Variants in HABP4 observed in about 807,000 individuals in gnomAD.
HABP4 encodes the protein hyaluronan binding protein 4, also known as intracellular hyaluronan-binding protein 4.
HABP4 carries 32 observed loss-of-function variants against 44.1 expected under a neutral mutation model. That is an observed-to-expected ratio of 0.73 (90% CI 0.55 to 0.97). HABP4 has a LOEUF of 0.97. Ranked by LOEUF, HABP4 falls within the 50% of genes least tolerant of loss-of-function variation. HABP4 has a pLI of 0.00. For missense variants in HABP4, 503 were observed against 561.9 expected, an observed-to-expected ratio of 0.90 and a Z score of 1.06; for synonymous variants, 216 against 218.0, an observed-to-expected ratio of 0.99 and a Z score of 0.08.
rs1832630218 is a variant in HABP4, at chr9:96,467,939, G to A, written c.743+2161G>A. On this transcript the variant is annotated intron_variant, in intron 4 of 7. Coordinates refer to ENST00000375249, the MANE Select transcript of HABP4 (RefSeq NM_014282.4). ...TGGCTCTAAGTGGTTACTTATCCTA[G>A]AGGGCCAGCCTTGGCCTTGTAATGT... Among the ~76,000 whole-genome samples the A allele has an allele frequency of 2.0e-5, 3 of 152,194 alleles. 1 individual carries two copies. The South Asian group carries it at 6.2e-4, about 31-fold the overall frequency.
At chr9:96,479,305 T>G (rs10820682) in intron 5 of HABP4, among the ~76,000 whole-genome samples, 35,261 of 151,960 alleles carry the variant, frequency 0.23, 5,094 homozygotes, top group African/African-American at 0.41. Context: ...TGAAAAGTTA[T>G]GTCGAGGAGG....
intron 5 of HABP4, chr9:96,484,209 A>G (rs890046850): frequency 1.3e-4 from 45 of 335,114 alleles, no homozygotes; most frequent in African/African-American, 8.5e-4. Flanking sequence ...TAATGTCATC[A>G]GGATGGTGAT....
intron 2 of HABP4, among the ~76,000 whole-genome samples, chr9:96,463,784 T>C (rs942071373): frequency 2.0e-5 from 3 of 152,222 alleles, no homozygotes; most frequent in Admixed American, 2.0e-4. Flanking sequence ...TTACCCACTA[T>C]TGTATAGCGG....
In HABP4 at chr9:96,450,355, A is replaced by C; in HGVS notation, c.76A>C (p.Asn26His). ...MQESFGCVVA[N>H]RFHQLLDDES... ...GGAGAGTTTCGGCTGCGTGGTGGCC[A>C]ACCGCTTCCATCAGCTGCTGGACGA... Residue 26 changes from asparagine to histidine, a missense_variant, in exon 1 of 8, where the codon AAC (asparagine) becomes CAC (histidine). Physicochemically the swap from Asn to His is moderately conservative, Grantham distance 68 (BLOSUM62 1). This residue lies in a region of HABP4 where 290 missense variants were observed against 300.5 expected (regional missense o/e 0.97). Transcript: ENST00000375249. This position sits in a 1 kb window ranked among gnomAD's most constrained non-coding sequence, Gnocchi z 4.8. 7.5e-7 allele frequency: 1 copy of C among 1,336,832 alleles called. No homozygotes were observed. Among genetic ancestry groups the C allele is most frequent in the Non-Finnish European group, 9.8e-7 (1 of 1,020,086 alleles). The allele number at this position is 1,336,832 out of a possible 1,614,324, so 82.8% of individuals were successfully genotyped here.
intron 5 of HABP4, among the ~76,000 whole-genome samples, chr9:96,481,189 A>G (rs1564168092): frequency 6.6e-6 from 1 of 152,040 alleles, no homozygotes; most frequent in Non-Finnish European, 1.5e-5. Flanking sequence ...GGTTCAAGCA[A>G]TTCTCCTGCT....
chr9:96,471,723 C>G (rs1230985442), intron 5 of HABP4, among the ~76,000 whole-genome samples: 1 of 151,962 alleles, frequency 6.6e-6, no homozygotes, highest in South Asian at 2.1e-4. Context: ...TCCCAGTCCT[C>G]CCTCCCTCTC....
Position 96,450,396 on chromosome 9 carries a change from C to A in HABP4, c.117C>A (p.Phe39Leu), listed in dbSNP as rs556833255. 2 of 1,411,678 alleles carry A rather than the reference C, an allele frequency of 1.4e-6. No individual in the cohort carries two copies. The highest frequency in any genetic ancestry group is 1.9e-6 in the Non-Finnish European group (2 of 1,068,684). The allele number at this position is 1,411,678 out of a possible 1,614,324, so 87.4% of individuals were successfully genotyped here. A position where few individuals can be genotyped will look rare whatever the true frequency, so the allele number is the denominator to read the frequency against. Residue 39 changes from phenylalanine to leucine, a missense_variant, in exon 1 of 8, where the codon TTC (phenylalanine) becomes TTA (leucine). By Grantham distance (22) the Phe-to-Leu change is conservative. This residue lies in a region of HABP4 where 290 missense variants were observed against 300.5 expected (regional missense o/e 0.97). Coordinates refer to ENST00000375249, the MANE Select transcript of HABP4 (RefSeq NM_014282.4). This position sits in a 1 kb window ranked among gnomAD's most constrained non-coding sequence, Gnocchi z 4.8. Reference sequence around the variant, plus strand: ...TGCTGGACGACGAGTCGGACCCGTTCGACATCCTGCGCGAGGCCGAGCGCC... The same window carrying A: ...TGCTGGACGACGAGTCGGACCCGTTAGACATCCTGCGCGAGGCCGAGCGCC... ...HQLLDDESDP[F>L]DILREAERRR...
In HABP4 at chr9:96,490,078, A is replaced by G. The variant is rs1481908617; in HGVS notation, c.*40A>G. On this transcript the variant is annotated 3_prime_UTR_variant, in exon 8 of 8. Transcript: ENST00000375249. ...CCAGCACCGCGGAGCTGCACTGCAC[A>G]CCTGTGGGGAGACTTTTCCAGCTGG... The G allele has an allele frequency of 2.4e-6, 3 of 1,229,562 alleles. No homozygotes were observed. Among genetic ancestry groups the G allele is most frequent in the Non-Finnish European group, 3.6e-6 (3 of 828,660 alleles). 76.2% of individuals were successfully genotyped at this position (1,229,562 alleles called of 1,614,324 possible). A position where few individuals can be genotyped will look rare whatever the true frequency, so the allele number is the denominator to read the frequency against.
intron 4 of HABP4, among the ~76,000 whole-genome samples, chr9:96,466,693 A>C (rs1452033127): frequency 6.6e-6 from 1 of 152,150 alleles, no homozygotes; most frequent in Non-Finnish European, 1.5e-5. Context: ...CTGAGGCTTC[A>C]TGGTGCCTTA....
intron 4 of HABP4, 112 bp downstream of exon 4, chr9:96,465,890 C>T (rs1587678066): frequency 3.2e-6 from 2 of 625,206 alleles, no homozygotes; most frequent in East Asian, 2.8e-5. Flanking sequence ...TTGTGTGCCC[C>T]TAAGTAGAGA....
In HABP4 at chr9:96,465,370, G is replaced by C; in HGVS notation, c.546G>C (p.Leu182Phe). ...PGDRFDRDRP[L>F]RGRGGPRGGM... is the part of the protein sequence containing the mutation. Reference sequence around the variant, plus strand: ...ATAGGTTTGATCGAGACAGACCGTTGAGAGGACGTGGAGGCCCGAGAGGGG... The same window carrying C: ...ATAGGTTTGATCGAGACAGACCGTTCAGAGGACGTGGAGGCCCGAGAGGGG... The change falls in exon 3 of 8, where the codon TTG becomes TTC. Residue 182 changes from leucine to phenylalanine, a missense_variant. Leu to Phe is a conservative substitution (Grantham distance 22, BLOSUM62 0). This residue lies in a region of HABP4 where 290 missense variants were observed against 300.5 expected (regional missense o/e 0.97). Coordinates refer to ENST00000375249, the MANE Select transcript of HABP4 (RefSeq NM_014282.4). 2 of 1,611,118 alleles carry C rather than the reference G, an allele frequency of 1.2e-6. No homozygotes were observed. The highest frequency in any genetic ancestry group is 1.7e-6 in the Non-Finnish European group (2 of 1,177,280).
chr9:96,484,427 A>G, intron 5 of HABP4, 35 bp from the exon 6 acceptor site: 2 of 982,304 alleles, frequency 2.0e-6, no homozygotes, highest in African/African-American at 1.6e-5. Flanking sequence ...AGTACCATCA[A>G]AAAGTATTCT....
chr9:96,464,701 T>C (rs968766145), intron 2 of HABP4, among the ~76,000 whole-genome samples: 6 of 152,302 alleles, frequency 3.9e-5, no homozygotes, highest in Middle Eastern at 3.4e-3. Context: ...TCAAATGACA[T>C]GAAGACAAAA....
chr9:96,456,759 CAAAAAAAAAA>C (rs764603456), intron 1 of HABP4, among the ~76,000 whole-genome samples: 28 of 24,724 alleles, frequency 1.1e-3, no homozygotes, highest in African/African-American at 4.5e-3. Context: ...GACTCCATCT[CAAAAAAAAAA>C]AAAAAAAAAA....
At chr9:96,484,660 G>A (rs1832938746) in intron 6 of HABP4, 27 bp downstream of exon 6, 1 of 1,297,718 alleles carries the variant, frequency 7.7e-7, no homozygotes, top group Non-Finnish European at 1.1e-6. Context: ...GTATGTAGAG[G>A]TAATCTTTAC....
At chr9:96,453,216 G>A (rs574225200) in intron 1 of HABP4, among the ~76,000 whole-genome samples, 5 of 151,240 alleles carry the variant, frequency 3.3e-5, no homozygotes, top group East Asian at 1.9e-4. Flanking sequence ...ACAGGCATGC[G>A]CCACCATGCC....
chr9:96,452,917 T>TG (rs1311706113), intron 1 of HABP4, among the ~76,000 whole-genome samples: 24 of 141,976 alleles, frequency 1.7e-4, no homozygotes, highest in Admixed American at 1.3e-3. Flanking sequence ...AAGGGTTTTT[T>TG]TTTTTTTTTT....
intron 2 of HABP4, among the ~76,000 whole-genome samples, chr9:96,461,347 A>G (rs1181302966): frequency 1.3e-5 from 2 of 152,166 alleles, no homozygotes; most frequent in Non-Finnish European, 2.9e-5. Context: ...CAGAACAGGA[A>G]TTGATTTTAA....
intron 1 of HABP4, among the ~76,000 whole-genome samples, chr9:96,452,013 G>T (rs978166977): frequency 1.3e-5 from 2 of 152,226 alleles, no homozygotes; most frequent in African/African-American, 4.8e-5. Flanking sequence ...GGATCACGAG[G>T]TTAGGAGATC....
Sources: gnomAD v4.1 joint callset for allele counts (sites outside exome capture counted in the v4.1 genomes callset) on GRCh38, gnomAD v4.1.1 for gene constraint, gnomAD v4.1.1 regional missense constraint, Gnocchi (gnomAD v3.1) non-coding constraint, MANE v1.5 for transcripts, NCBI Gene and HGNC (gene_info 2026-07-23, HGNC 2026-07-21) for gene names.